STARD9: variants seen among roughly 807,000 people sequenced by gnomAD.
The protein encoded by STARD9 is StAR related lipid transfer domain containing 9, also known as stAR-related lipid transfer protein 9.
STARD9 carries 346 observed loss-of-function variants against 399.8 expected under a neutral mutation model. The observed-to-expected ratio is 0.87, with a 90% confidence interval of 0.79 to 0.95. The LOEUF (loss-of-function observed/expected upper bound fraction) is 0.95, where lower values mean the gene tolerates loss of function less well. STARD9 is among the 40% of genes least tolerant of loss of function. The pLI, the probability that STARD9 is intolerant of heterozygous loss-of-function variation, is 0.00. For synonymous variants in STARD9, 2,203 were observed against 2,143.5 expected (o/e 1.03, Z -0.77); for missense variants, 5,832 against 5,667.5 (o/e 1.03, Z -0.93).
chr15:42,674,307 C>T, intron 16 of STARD9, 133 bp from the exon 17 acceptor site: 1 of 734,808 alleles, frequency 1.4e-6, no homozygotes, highest in Non-Finnish European at 2.3e-6. Context: ...TGGTACCGAC[C>T]AGGCTGGGAT....
chr15:42,649,862 CT>C (rs765573235), intron 7 of STARD9, among the ~76,000 whole-genome samples: 512 of 107,220 alleles, frequency 4.8e-3, no homozygotes, highest in Middle Eastern at 0.011. Context: ...CGAGCCTGGC[CT>C]TTTTTTTTTT....
intron 3 of STARD9, among the ~76,000 whole-genome samples, chr15:42,597,814 G>A (rs2058537981): frequency 6.6e-6 from 1 of 152,070 alleles, no homozygotes; most frequent in African/African-American, 2.4e-5. Context: ...TGGGATTTCA[G>A]GCGTGAGCCA....
intron 3 of STARD9, among the ~76,000 whole-genome samples, chr15:42,619,374 G>A (rs1260893125): frequency 6.6e-6 from 1 of 151,730 alleles, no homozygotes; most frequent in East Asian, 1.9e-4. Flanking sequence ...TTTTCAGCCT[G>A]GGCAACAAAG....
Position 42,684,550 on chromosome 15 carries a change from G to T in STARD9, c.2972G>T (p.Arg991Leu), listed in dbSNP as rs1269775729. ...ADPSHTQAGW[R>L]KEGNLGTHKA... ...CCTAGCCACACACAAGCTGGGTGGC[G>T]AAAAGAAGGGAACCTTGGGACCCAC... The change falls in exon 23 of 33, where the codon CGA (arginine) becomes CTA (leucine). Residue 991 changes from arginine to leucine, a missense_variant. Physicochemically the swap from Arg to Leu is moderately radical, Grantham distance 102. This residue lies in a region of STARD9 where 5,828 missense variants were observed against 5,651.1 expected (regional missense o/e 1.03). Coordinates refer to ENST00000290607, the MANE Select transcript of STARD9 (RefSeq NM_020759.3). 4 of 1,537,222 alleles carry T rather than the reference G, an allele frequency of 2.6e-6. No individual in the cohort carries two copies. The Admixed American group carries it at 7.8e-5, about 30-fold the overall frequency.
chr15:42,667,930 TAAA>T (rs2060134317), intron 15 of STARD9, among the ~76,000 whole-genome samples: 1 of 152,226 alleles, frequency 6.6e-6, no homozygotes. Context: ...GAAGTTTCTC[TAAA>T]AAATTCCTCC....
chr15:42,712,103 TAATATATAATATATAA>T lies in STARD9; in HGVS notation c.13285-4573_13285-4558del. Among the ~76,000 whole-genome samples, 3 of 4,276 alleles carry T rather than the reference TAATATATAATATATAA, an allele frequency of 7.0e-4. 1 individual carries two copies. The Admixed American group carries it at 0.01, about 15-fold the overall frequency. The allele number at this position is 4,276 out of a possible 152,430, so 2.8% of individuals were successfully genotyped here. A position where few individuals can be genotyped will look rare whatever the true frequency, so the allele number is the denominator to read the frequency against. ...ATATTATATATATATATATAATATATAATATATAATATATAATATATATATAAATGTGCCTTTGCCC... is the reference window on the plus strand; with the variant it reads ...ATATTATATATATATATATAATATATTATATATATAAATGTGCCTTTGCCC... On this transcript the variant is annotated intron_variant, in intron 26 of 32. Transcript: ENST00000290607.
chr15:42,618,253 C>T (rs534886977), intron 3 of STARD9, among the ~76,000 whole-genome samples: 37 of 152,224 alleles, frequency 2.4e-4, no homozygotes, highest in Admixed American at 9.8e-4. Flanking sequence ...TTGCCTCAGC[C>T]TCCTGAGTAG....
At position 42,681,599 on chromosome 15, in the gene STARD9, G is replaced by A. The variant is rs1316126632; in HGVS notation, c.2052G>A (p.Gln684=). Residue 684 remains glutamine, a synonymous_variant, in exon 21 of 33, where the codon CAG becomes CAA. Transcript: ENST00000290607. ...ELEFDQAWIS[Q]QIKENQQCLL... ...AATTTGACCAAGCTTGGATTAGCCA[G>A]CAGATTAAAGAAAGTAGGTGTCCAC... 1.3e-6 allele frequency: 2 copies of A among 1,536,580 alleles called. No individual in the cohort carries two copies. Among genetic ancestry groups the A allele is most frequent in the Non-Finnish European group, 1.7e-6 (2 of 1,146,574 alleles).
At chr15:42,671,954 T>C (rs2060211782) in intron 16 of STARD9, 1 of 152,224 alleles carries the variant, frequency 6.6e-6, no homozygotes, top group Non-Finnish European at 1.5e-5. Flanking sequence ...ACTGCTGATT[T>C]TCATTGCTTA....
intron 7 of STARD9, among the ~76,000 whole-genome samples, chr15:42,649,378 TTCTGA>T (rs2059711805): frequency 6.6e-6 from 1 of 152,174 alleles, no homozygotes; most frequent in Non-Finnish European, 1.5e-5. Context: ...TTGAGTATGT[TTCTGA>T]TCTATCTTCC....
In STARD9 at chr15:42,690,724, C is replaced by T. The variant is rs1595782960; in HGVS notation, c.9146C>T (p.Ala3049Val). ...SSTCEPSTVA[A>V]VLSRAQGCRS... Reference sequence around the variant, plus strand: ...ACTTGTGAGCCTTCTACTGTGGCTGCTGTCCTATCTCGAGCTCAAGGCTGC... The same window carrying T: ...ACTTGTGAGCCTTCTACTGTGGCTGTTGTCCTATCTCGAGCTCAAGGCTGC... Residue 3049 changes from alanine (A) to valine (V), a missense_variant, in exon 23 of 33, where the codon GCT (alanine) becomes GTT (valine). Coordinates refer to ENST00000290607, the MANE Select transcript of STARD9 (RefSeq NM_020759.3). The T allele has an allele frequency of 1.3e-6, 2 of 1,537,248 alleles. No individual in the cohort carries two copies. The highest frequency in any genetic ancestry group is 1.7e-6 in the Non-Finnish European group (2 of 1,146,908).
chr15:42,681,547 A>G lies in STARD9; in HGVS notation c.2000A>G (p.Glu667Gly), dbSNP rs1409671476. 1.3e-6 allele frequency: 2 copies of G among 1,537,094 alleles called. No homozygotes were observed. The highest frequency in any genetic ancestry group is 1.7e-6 in the Non-Finnish European group (2 of 1,146,886). ...GATTTGAGGCATCAAATCCTAGCAG[A>G]AGAGATTCGAGCTGCGAAGGAACTG... ...VEDLRHQILA[E>G]EIRAAKELEF... is the part of the protein sequence containing the mutation. The change falls in exon 21 of 33, where the codon GAA becomes GGA. Residue 667 changes from glutamate to glycine, a missense_variant. Glu to Gly is a moderately conservative substitution (Grantham distance 98, BLOSUM62 -2). Coordinates refer to ENST00000290607, the MANE Select transcript of STARD9 (RefSeq NM_020759.3).
At chr15:42,710,856 T>C (rs970516274) in intron 26 of STARD9, among the ~76,000 whole-genome samples, 1 of 152,218 alleles carries the variant, frequency 6.6e-6, no homozygotes, top group Non-Finnish European at 1.5e-5. Context: ...TTTCTATCTC[T>C]GTCTTCACAT....
chr15:42,613,809 A>G (rs2058902673), intron 3 of STARD9, among the ~76,000 whole-genome samples: 1 of 151,892 alleles, frequency 6.6e-6, no homozygotes, highest in African/African-American at 2.4e-5. Context: ...TACTAAAAAT[A>G]CAGAAGTTAG....
rs1449524760 is a variant in STARD9 at position 42,687,342 on chromosome 15, G to T, written c.5764G>T (p.Asp1922Tyr). 1.3e-6 allele frequency: 2 copies of T among 1,536,776 alleles called. No individual in the cohort carries two copies. Among genetic ancestry groups the T allele is most frequent in the Non-Finnish European group, 8.7e-7 (1 of 1,146,926 alleles). ...TGAGGCACGAGAGGAAGAAGAGCTG[G>T]ATCAGAATACGGTTCTGAGGCAGAC... ...ESEAREEEEL[D>Y]QNTVLRQTIN... The change falls in exon 23 of 33, where the codon GAT becomes TAT. Residue 1922 changes from aspartate to tyrosine, a missense_variant. Coordinates refer to ENST00000290607, the MANE Select transcript of STARD9 (RefSeq NM_020759.3).
At chr15:42,709,743 C>A (rs1453282765) in intron 26 of STARD9, among the ~76,000 whole-genome samples, 1 of 152,168 alleles carries the variant, frequency 6.6e-6, no homozygotes, top group Non-Finnish European at 1.5e-5. Flanking sequence ...TTTCCTCAAA[C>A]TTTCATCCAC....
rs8023743 is a variant in STARD9, at chr15:42,665,344, C to G, written c.1254+14C>G. 39,892 of 1,532,620 alleles carry G rather than the reference C, an allele frequency of 0.026. 2,334 individuals carry two copies. Among genetic ancestry groups the G allele is most frequent in the African/African-American group, 0.22 (15,788 of 72,924 alleles). The allele number at this position is 1,532,620 out of a possible 1,614,324, so 94.9% of individuals were successfully genotyped here. On this transcript the variant is annotated intron_variant, in intron 14 of 32. Transcript: ENST00000290607. ...AGCTTTGAACTGGTATGCAGACAGT[C>G]AGAACCTTTCCGTACTTAAGTGAAA...
intron 3 of STARD9, among the ~76,000 whole-genome samples, chr15:42,622,359 C>T (rs909415278): frequency 5.9e-5 from 9 of 152,246 alleles, no homozygotes; most frequent in Non-Finnish European, 1.3e-4. Context: ...CCCTCTCTCT[C>T]TCTCTCTCTG....
chr15:42,672,710 T>G (rs1404544909), intron 16 of STARD9: 1 of 152,234 alleles, frequency 6.6e-6, no homozygotes, highest in Non-Finnish European at 1.5e-5. Context: ...GCTAGGATTC[T>G]TCCTTCTCGC....
Sources: gnomAD v4.1 joint callset for allele counts (sites outside exome capture counted in the v4.1 genomes callset) on GRCh38, gnomAD v4.1.1 for gene constraint, gnomAD v4.1.1 regional missense constraint, MANE v1.5 for transcripts, NCBI Gene and HGNC (gene_info 2026-07-23, HGNC 2026-07-21) for gene names.